Variants in CAMK2D observed in about 807,000 individuals in gnomAD.
CAMK2D encodes the protein calcium/calmodulin-dependent protein kinase type II subunit delta.
Under a neutral mutation model 84.0 loss-of-function variants are expected in CAMK2D, and 37 were observed. The observed-to-expected ratio is 0.44, with a 90% confidence interval of 0.34 to 0.58. The LOEUF is 0.58. CAMK2D is among the 20% of genes least tolerant of loss of function. The probability of loss-of-function intolerance (pLI) is 0.02; values close to 1 mark genes in which losing one functional copy is unlikely to be tolerated. For missense variants in CAMK2D, 448 were observed against 652.5 expected (o/e 0.69, Z 3.41); for synonymous variants, 202 against 212.5 (o/e 0.95, Z 0.43).
At chr4:113,520,881 T>C (rs1337144637) in intron 8 of CAMK2D, among the ~76,000 whole-genome samples, 1 of 152,000 alleles carries the variant, frequency 6.6e-6, no homozygotes, top group African/African-American at 2.4e-5. Flanking sequence ...TAGAAAAATT[T>C]AGCCAGGTGT....
At chr4:113,736,807 G>C (rs2099582387) in intron 2 of CAMK2D, among the ~76,000 whole-genome samples, 1 of 152,102 alleles carries the variant, frequency 6.6e-6, no homozygotes, top group African/African-American at 2.4e-5. Flanking sequence ...GTTTAAAAAG[G>C]CAAAAATATC....
rs1014987671 is a variant in CAMK2D, at chr4:113,452,595, C to G, written c.*1950G>C. The G allele has an allele frequency of 6.6e-6, 1 of 152,352 alleles. No individual in the cohort carries two copies. Among genetic ancestry groups the G allele is most frequent in the Non-Finnish European group, 1.5e-5 (1 of 67,992 alleles). The allele number at this position is 152,352 out of a possible 1,614,324, so 9.4% of individuals were successfully genotyped here. ...ATCACAATTTCCTCACATCTTAGTG[C>G]GGAAGACAAACTTGATCTACAGTAA... On this transcript the variant is annotated 3_prime_UTR_variant, in exon 21 of 21. Coordinates refer to ENST00000511664, the MANE Select transcript of CAMK2D (RefSeq NM_001321571.2).
chr4:113,761,650 C>T lies in CAMK2D; in HGVS notation c.-582G>A, dbSNP rs983741707. ...CCGAGGCCGGCTTCCCTCCGGCGGG[C>T]GGCAGCGGCTCCGGCGAAGCGAGGC... On this transcript the variant is annotated 5_prime_UTR_variant, in exon 1 of 21. Transcript: ENST00000511664. The T allele has an allele frequency of 2.6e-4, 257 of 985,094 alleles. No homozygotes were observed. The African/African-American group carries it at 4.3e-3, about 16-fold the overall frequency. 61.0% of individuals were successfully genotyped at this position (985,094 alleles called of 1,614,324 possible).
At chr4:113,683,454 C>CT (rs1487094577) in intron 2 of CAMK2D, among the ~76,000 whole-genome samples, 1 of 152,072 alleles carries the variant, frequency 6.6e-6, no homozygotes, top group African/African-American at 2.4e-5. Context: ...GCACATGACA[C>CT]TTAAGGGCAA....
intron 4 of CAMK2D, among the ~76,000 whole-genome samples, chr4:113,581,668 A>C (rs1178019854): frequency 6.6e-6 from 1 of 152,138 alleles, no homozygotes; most frequent in Non-Finnish European, 1.5e-5. Context: ...AGACTTCCGT[A>C]AGATTATGTT....
intron 18 of CAMK2D, among the ~76,000 whole-genome samples, chr4:113,459,234 T>C (rs1192186568): frequency 6.6e-6 from 1 of 152,210 alleles, no homozygotes; most frequent in Admixed American, 6.5e-5. Flanking sequence ...ATTTTTAAAA[T>C]TTGAGACAGG....
intron 4 of CAMK2D, among the ~76,000 whole-genome samples, chr4:113,601,092 C>T (rs1466238222): frequency 6.6e-6 from 1 of 152,144 alleles, no homozygotes; most frequent in Admixed American, 6.5e-5. Context: ...AAGAACCTAC[C>T]TCCTTCTGTA....
intron 3 of CAMK2D, among the ~76,000 whole-genome samples, chr4:113,613,902 G>A (rs1391544931): frequency 6.6e-6 from 1 of 152,054 alleles, no homozygotes; most frequent in African/African-American, 2.4e-5. Flanking sequence ...GCGAGCGAGA[G>A]AGAGAGAGAG....
chr4:113,543,092 A>G (rs17592385), intron 6 of CAMK2D, among the ~76,000 whole-genome samples: 9,344 of 152,276 alleles, frequency 0.061, 596 homozygotes, highest in East Asian at 0.21. Context: ...TGAACTGCAG[A>G]AATCTTACTA....
chr4:113,547,636 T>A lies in CAMK2D; in HGVS notation c.414+8A>T. On this transcript the variant is annotated splice_region_variant and intron_variant, in intron 6 of 20. Coordinates refer to ENST00000511664, the MANE Select transcript of CAMK2D (RefSeq NM_001321571.2). The stretch of plus-strand genomic sequence containing the variant: ...TGGTGGTTTATCTTCTTCAACCGCA[T>A]TACTCACCTTCAGGTCCCGATGGAC... 1 of 1,542,522 alleles carries A rather than the reference T, an allele frequency of 6.5e-7. No homozygotes were observed. The highest frequency in any genetic ancestry group is 1.2e-5 in the South Asian group (1 of 84,946).
chr4:113,603,810 A>T (rs1297829409), intron 4 of CAMK2D, among the ~76,000 whole-genome samples: 1 of 124,532 alleles, frequency 8.0e-6, no homozygotes, highest in Non-Finnish European at 1.6e-5. Flanking sequence ...TATTTAAAAC[A>T]GTAAGAAGAG....
chr4:113,756,788 T>A (rs1157766845), intron 2 of CAMK2D, among the ~76,000 whole-genome samples: 1 of 152,094 alleles, frequency 6.6e-6, no homozygotes, highest in Non-Finnish European at 1.5e-5. Flanking sequence ...TGGAATGTTG[T>A]ATCAAAAAAT....
intron 16 of CAMK2D, among the ~76,000 whole-genome samples, chr4:113,476,578 C>T (rs868425315): frequency 1.4e-4 from 21 of 152,110 alleles, no homozygotes; most frequent in African/African-American, 4.8e-4. Context: ...AGGACTGAAA[C>T]TACCTTCATA....
rs530799036 is a variant in CAMK2D, at chr4:113,712,656, T to G, written c.160+46664A>C. 2.0e-5 allele frequency among the ~76,000 whole-genome samples: 3 copies of G among 152,086 alleles called. No homozygotes were observed. The South Asian group carries it at 6.2e-4, about 32-fold the overall frequency. ...TAAAAATGGAAATCTGTGAATACTTTGAATTTTTTTTAATTTAAATTCTAG... is the reference window on the plus strand; with the variant it reads ...TAAAAATGGAAATCTGTGAATACTTGGAATTTTTTTTAATTTAAATTCTAG... On this transcript the variant is annotated intron_variant, in intron 2 of 20. Transcript: ENST00000511664.
intron 17 of CAMK2D, among the ~76,000 whole-genome samples, chr4:113,463,236 C>T (rs866183242): frequency 1.3e-5 from 2 of 152,024 alleles, no homozygotes; most frequent in Middle Eastern, 3.4e-3. Context: ...AAAAGTAATA[C>T]TTGCTTATGT....
chr4:113,478,992 C>A (rs547550820), intron 16 of CAMK2D, among the ~76,000 whole-genome samples: 5 of 151,984 alleles, frequency 3.3e-5, no homozygotes, highest in Non-Finnish European at 5.9e-5. Flanking sequence ...CTGTGTTTTG[C>A]CAGACAGACA....
intron 2 of CAMK2D, among the ~76,000 whole-genome samples, chr4:113,750,486 C>T (rs568441950): frequency 7.9e-5 from 12 of 152,176 alleles, no homozygotes; most frequent in South Asian, 4.1e-4. Flanking sequence ...GCCCTGTGCA[C>T]GCGTCTATCA....
chr4:113,512,196 A>G (rs1377893768), intron 12 of CAMK2D, among the ~76,000 whole-genome samples: 1 of 152,184 alleles, frequency 6.6e-6, no homozygotes, highest in African/African-American at 2.4e-5. Flanking sequence ...TTCCCCCTAC[A>G]TAAGACTGCT....
rs1462993999 is a variant in CAMK2D at position 113,490,211 on chromosome 4, C to T, written c.1135+10252G>A. ...CTTTTGGTGTTTTAGACATGAAGTC[C>T]TTGCCCATGCTTATGTCGTGAATGG... On this transcript the variant is annotated intron_variant, in intron 16 of 20. Coordinates refer to ENST00000511664, the MANE Select transcript of CAMK2D (RefSeq NM_001321571.2). Among the ~76,000 whole-genome samples, 508 of 147,922 alleles carry T rather than the reference C, an allele frequency of 3.4e-3. 4 individuals carry two copies. The highest frequency in any genetic ancestry group is 0.012 in the African/African-American group (488 of 39,236).
Sources: allele counts gnomAD v4.1 joint callset (sites outside exome capture counted in the v4.1 genomes callset), GRCh38; gene constraint gnomAD v4.1.1; transcripts MANE v1.5; gene names NCBI Gene and HGNC (gene_info 2026-07-23, HGNC 2026-07-21).